Variants in IL10RB observed in about 807,000 individuals in gnomAD.
The protein encoded by IL10RB is interleukin 10 receptor subunit beta, also known as interleukin-10 receptor subunit beta.
IL10RB carries 30 observed loss-of-function variants against 38.7 expected under a neutral mutation model. That is an observed-to-expected ratio of 0.78 (90% CI 0.58 to 1.05). The LOEUF (loss-of-function observed/expected upper bound fraction) is 1.05, where lower values mean the gene tolerates loss of function less well. Among genes scored for constraint, IL10RB ranks in the 50% least tolerant of loss-of-function variants. The pLI is 0.00. For missense variants in IL10RB, 328 were observed against 397.1 expected, an observed-to-expected ratio of 0.83 and a Z score of 1.48; for synonymous variants, 142 against 145.9, an observed-to-expected ratio of 0.97 and a Z score of 0.19.
intron 6 of IL10RB, among the ~76,000 whole-genome samples, chr21:33,290,813 T>C (rs1989471425): frequency 6.6e-6 from 1 of 152,210 alleles, no homozygotes; most frequent in Admixed American, 6.5e-5. Context: ...AGTGGGCCCA[T>C]TGGTCTGGCA....
intron 5 of IL10RB, among the ~76,000 whole-genome samples, chr21:33,284,125 G>T (rs529265655): frequency 6.6e-6 from 1 of 152,058 alleles, no homozygotes; most frequent in South Asian, 2.1e-4. Flanking sequence ...GCAAAACCCT[G>T]TCTCTACCAA....
At chr21:33,266,811 G>A (rs865893641) in intron 1 of IL10RB, among the ~76,000 whole-genome samples, 1 of 152,128 alleles carries the variant, frequency 6.6e-6, no homozygotes, top group Non-Finnish European at 1.5e-5. Flanking sequence ...CTGCTGGCGG[G>A]CGTCTAAATA....
chr21:33,293,050 G>A (rs1437891344), intron 6 of IL10RB, among the ~76,000 whole-genome samples: 2 of 152,208 alleles, frequency 1.3e-5, no homozygotes, highest in Non-Finnish European at 1.5e-5. Context: ...AGTGGTGGGA[G>A]GGGCAAGATA....
chr21:33,275,569 T>A (rs1369411936), intron 2 of IL10RB, among the ~76,000 whole-genome samples: 1 of 152,250 alleles, frequency 6.6e-6, no homozygotes, highest in African/African-American at 2.4e-5. Flanking sequence ...TGGTTTGATC[T>A]TCTATCCAGA....
At chr21:33,267,713 G>A (rs1285504506) in intron 1 of IL10RB, among the ~76,000 whole-genome samples, 1 of 151,622 alleles carries the variant, frequency 6.6e-6, no homozygotes, top group East Asian at 1.9e-4. Context: ...ATGGGGTTTC[G>A]CCATGTTGGC....
intron 3 of IL10RB, among the ~76,000 whole-genome samples, chr21:33,277,668 C>CTTTTTTTTTTTTTTTTTTTTTTTTTT: frequency 1.1e-5 from 1 of 92,980 alleles, no homozygotes; most frequent in Non-Finnish European, 2.1e-5. Context: ...TTCTTTCTTT[C>CTTTTTTTTTTTTTTTTTTTTTTTTTT]TTTTTTTTTT....
chr21:33,282,369 CA>C (rs1989295627), intron 4 of IL10RB, among the ~76,000 whole-genome samples: 4 of 151,672 alleles, frequency 2.6e-5, no homozygotes, highest in Admixed American at 2.6e-4. Context: ...CCCGTCTCTA[CA>C]AAAATACAAA....
Position 33,285,298 on chromosome 21 carries a change from G to A in IL10RB, c.646+2057G>A, listed in dbSNP as rs938271357. ...ATGAAAAGGATCAACCAGAACACAG[G>A]CTCATTCATCTAAGCCCAGGTTATG... On this transcript the variant is annotated intron_variant, in intron 5 of 6. Transcript: ENST00000290200. 5.9e-5 allele frequency among the ~76,000 whole-genome samples: 9 copies of A among 152,262 alleles called. 1 individual carries two copies. Among genetic ancestry groups the A allele is most frequent in the Middle Eastern group, 3.4e-3 (1 of 294 alleles).
chr21:33,301,101 T>C (rs1361183130), downstream of IL10RB, among the ~76,000 whole-genome samples: 1 of 152,208 alleles, frequency 6.6e-6, no homozygotes, highest in Non-Finnish European at 1.5e-5. Context: ...GGGAGTTAGC[T>C]GAGAATGACT....
chr21:33,274,635 G>T (rs1989137852), intron 2 of IL10RB, among the ~76,000 whole-genome samples: 1 of 152,190 alleles, frequency 6.6e-6, no homozygotes. Context: ...TCAATGAGAG[G>T]TAATATTTTG....
rs566675332 is a variant in IL10RB, at chr21:33,283,349, C to T, written c.646+108C>T. ...ATTCCAGCTCAGTTCAGAAATCTAT[C>T]GCCCTGACATTATCTCTCAGCCCTG... is the stretch of plus-strand genomic sequence containing the variant. On this transcript the variant is annotated intron_variant, in intron 5 of 6. Transcript: ENST00000290200. 12 of 1,151,740 alleles carry T rather than the reference C, an allele frequency of 1.0e-5. No individual in the cohort carries two copies. In the African/African-American group the frequency reaches 1.1e-4, roughly 10 times the overall value. The allele number at this position is 1,151,740 out of a possible 1,614,324, so 71.3% of individuals were successfully genotyped here. A position where few individuals can be genotyped will look rare whatever the true frequency, so the allele number is the denominator to read the frequency against.
chr21:33,301,829 G>A (rs1010005422), downstream of IL10RB, among the ~76,000 whole-genome samples: 1 of 152,134 alleles, frequency 6.6e-6, no homozygotes, highest in Non-Finnish European at 1.5e-5. Context: ...GATCACACAG[G>A]CAAGAAGTGA....
intron 1 of IL10RB, among the ~76,000 whole-genome samples, chr21:33,303,414 G>A (rs2082990975): frequency 6.8e-6 from 1 of 147,330 alleles, no homozygotes; most frequent in Non-Finnish European, 1.5e-5. Context: ...GAATGCAGTG[G>A]CACAATCTAA....
intron 5 of IL10RB, among the ~76,000 whole-genome samples, chr21:33,287,867 T>C (rs995863713): frequency 6.6e-6 from 1 of 152,230 alleles, no homozygotes; most frequent in Non-Finnish European, 1.5e-5. Flanking sequence ...GAATTCTTGC[T>C]TGTTATTCTT....
At chr21:33,275,083 C>A (rs1989144840) in intron 2 of IL10RB, among the ~76,000 whole-genome samples, 1 of 151,278 alleles carries the variant, frequency 6.6e-6, no homozygotes, top group Non-Finnish European at 1.5e-5. Flanking sequence ...TCACCTTGCA[C>A]TTTTATATTA....
Position 33,296,691 on chromosome 21 carries a change from G to A in IL10RB, c.*334G>A, listed in dbSNP as rs377255448. On this transcript the variant is annotated 3_prime_UTR_variant, in exon 7 of 7. Coordinates refer to ENST00000290200, the MANE Select transcript of IL10RB (RefSeq NM_000628.5). The stretch of plus-strand genomic sequence containing the variant: ...GGGCCGAGCACAGTGGCTCACGCCT[G>A]TAATACCAGCACCTTAGAGGTCGAG... 2,004 of 420,162 alleles carry A rather than the reference G, an allele frequency of 4.8e-3. 52 individuals are homozygous for A. Among genetic ancestry groups the A allele is most frequent in the South Asian group, 0.036 (1,937 of 53,818 alleles). 26.0% of individuals were successfully genotyped at this position (420,162 alleles called of 1,614,324 possible). A position where few individuals can be genotyped will look rare whatever the true frequency, so the allele number is the denominator to read the frequency against.
intron 5 of IL10RB, among the ~76,000 whole-genome samples, chr21:33,287,341 GGTTT>G (rs1610997): frequency 6.6e-6 from 1 of 150,912 alleles, no homozygotes; most frequent in Admixed American, 6.6e-5. Context: ...TTAGTGCAGG[GGTTT>G]GTTTGTTTTG....
At position 33,266,442 on chromosome 21, in the gene IL10RB, C is replaced by T; in HGVS notation, c.-24C>T. ...GCGGGGGTCGTGTGCTTGGAGGAAG[C>T]CGCGGAACCCCCAGCGTCCGTCCAT... On this transcript the variant is annotated 5_prime_UTR_variant, in exon 1 of 7. Coordinates refer to ENST00000290200, the MANE Select transcript of IL10RB (RefSeq NM_000628.5). The T allele has an allele frequency of 6.5e-7, 1 of 1,540,216 alleles. No individual in the cohort carries two copies. Among genetic ancestry groups the T allele is most frequent in the Middle Eastern group, 2.3e-4 (1 of 4,422 alleles).
intron 1 of IL10RB, among the ~76,000 whole-genome samples, chr21:33,267,502 G>GTTTGTTTTTTT (rs1477718652): frequency 5.8e-5 from 6 of 102,704 alleles, no homozygotes; most frequent in African/African-American, 1.9e-4. Context: ...TTGTTTGTTT[G>GTTTGTTTTTTT]TTTTTTTGTT....
Sources: allele counts gnomAD v4.1 joint callset (sites outside exome capture counted in the v4.1 genomes callset), GRCh38; gene constraint gnomAD v4.1.1; transcripts MANE v1.5; gene names NCBI Gene and HGNC (gene_info 2026-07-23, HGNC 2026-07-21).